Variants in SCYL2 observed in about 807,000 individuals in gnomAD.
SCYL2 encodes SCY1 like pseudokinase 2.
SCYL2 carries 36 observed loss-of-function variants against 100.4 expected under a neutral mutation model. That is an observed-to-expected ratio of 0.36 (90% CI 0.27 to 0.47). The LOEUF is 0.47. SCYL2 is among the 20% of genes least tolerant of loss of function. The pLI, the probability that SCYL2 is intolerant of heterozygous loss-of-function variation, is 1.00. For missense variants in SCYL2, 902 were observed against 1,083.9 expected (o/e 0.83, Z 2.36); for synonymous variants, 330 against 359.2 (o/e 0.92, Z 0.92).
intron 3 of SCYL2, among the ~76,000 whole-genome samples, chr12:100,295,019 G>T (rs1412040154): frequency 1.3e-5 from 2 of 151,460 alleles, no homozygotes; most frequent in African/African-American, 2.4e-5. Context: ...CCTCCCAGAC[G>T]GGGTCGCGGC....
chr12:100,324,628 A>G (rs1230763269), intron 11 of SCYL2, among the ~76,000 whole-genome samples: 2 of 152,226 alleles, frequency 1.3e-5, no homozygotes, highest in East Asian at 3.8e-4. Context: ...CCAAAGTAGA[A>G]AAAGAAATCA....
chr12:100,320,330 A>T (rs965698295), intron 10 of SCYL2, among the ~76,000 whole-genome samples: 29 of 152,024 alleles, frequency 1.9e-4, no homozygotes, highest in African/African-American at 6.0e-4. Context: ...GGATCACCTG[A>T]GGTCAGGAGT....
chr12:100,307,869 C>T (rs557749671), intron 4 of SCYL2, among the ~76,000 whole-genome samples: 15 of 152,164 alleles, frequency 9.9e-5, no homozygotes, highest in Non-Finnish European at 2.2e-4. Flanking sequence ...TTTATGCAGC[C>T]AACAAACATA....
chr12:100,319,432 A>C, intron 10 of SCYL2: 1 of 313,542 alleles, frequency 3.2e-6, no homozygotes, highest in South Asian at 2.8e-5. Flanking sequence ...GTGACATGAA[A>C]TCCATTTTTC....
chr12:100,298,032 G>A lies in SCYL2; in HGVS notation c.337G>A (p.Asp113Asn). The change falls in exon 4 of 18, where the codon GAT (aspartate) becomes AAT (asparagine). Residue 113 changes from aspartate to asparagine, a missense_variant and splice_region_variant. Physicochemically the swap from Asp to Asn is conservative, Grantham distance 23 (BLOSUM62 1). Transcript: ENST00000360820. ...TVQHPLEESR[D>N]CLAFCTEPVF... ...ATAACTTTTTCTTTTTTAAAACAGG[G>A]ATTGCTTGGCATTTTGTACAGAACC... 6.2e-7 allele frequency: 1 copy of A among 1,603,208 alleles called. No individual in the cohort carries two copies.
chr12:100,294,274 T>C (rs1592939969), intron 3 of SCYL2, among the ~76,000 whole-genome samples: 1 of 112,188 alleles, frequency 8.9e-6, no homozygotes, highest in African/African-American at 3.4e-5. Context: ...CCAACCTCCC[T>C]CCCGGACGGG....
At chr12:100,273,712 T>C (rs749652287) in intron 1 of SCYL2, among the ~76,000 whole-genome samples, 6 of 152,212 alleles carry the variant, frequency 3.9e-5, no homozygotes, top group Non-Finnish European at 7.4e-5. Context: ...CGTGGTATTA[T>C]AATCCCTTCT....
intron 1 of SCYL2, among the ~76,000 whole-genome samples, chr12:100,271,281 A>AAAAAAAAAAAAAAAAAAG (rs869276181): frequency 7.8e-6 from 1 of 128,950 alleles, no homozygotes; most frequent in Non-Finnish European, 1.6e-5. Context: ...AAAAAAAAAA[A>AAAAAAAAAAAAAAAAAAG]AGAGAGAGAG....
Position 100,306,661 on chromosome 12 carries a change from A to G in SCYL2, c.481-4383A>G, listed in dbSNP as rs12581824. ...ATTCTGGCCAGGGCAATCAGGCAAG[A>G]GAATGAAATAAAGGGTATTCAGATA... On this transcript the variant is annotated intron_variant, in intron 4 of 17. Transcript: ENST00000360820. Among the ~76,000 whole-genome samples the G allele has an allele frequency of 2.2e-3, 334 of 152,356 alleles. 5 individuals carry two copies. In the East Asian group the frequency reaches 0.037, roughly 17 times the overall value.
chr12:100,283,350 A>G (rs1403657063), intron 2 of SCYL2, among the ~76,000 whole-genome samples: 1 of 152,228 alleles, frequency 6.6e-6, no homozygotes, highest in Non-Finnish European at 1.5e-5. Context: ...TTACACATAT[A>G]CTGTTTGACA....
In SCYL2 at chr12:100,338,966, A is replaced by T. The variant is rs1237624909; in HGVS notation, c.2584A>T (p.Asn862Tyr). Residue 862 changes from asparagine to tyrosine, a missense_variant, in exon 18 of 18, where the codon AAT becomes TAT. Asn to Tyr is a moderately radical substitution (Grantham distance 143). Coordinates refer to ENST00000360820, the MANE Select transcript of SCYL2 (RefSeq NM_017988.6). ...GAACCAGTTATCACAACAGAAACCA[A>T]ATCAGTGGCTTAATCAGTTTGTACC... ...SMNQLSQQKP[N>Y]QWLNQFVPPQ... 5 of 1,614,124 alleles carry T rather than the reference A, an allele frequency of 3.1e-6. No individual in the cohort carries two copies. Among genetic ancestry groups the T allele is most frequent in the Non-Finnish European group, 4.2e-6 (5 of 1,179,976 alleles).
chr12:100,339,212 A>G lies in SCYL2; in HGVS notation c.*40A>G, dbSNP rs761880235. The G allele has an allele frequency of 2.0e-5, 32 of 1,566,430 alleles. No individual in the cohort carries two copies. The highest frequency in any genetic ancestry group is 1.4e-4 in the Admixed American group (8 of 56,908). Reference sequence around the variant, plus strand: ...ATTTTGAAGGATTATTTCAGTTTCAATCATGGGTGAGCTGATTTACATCTT... The same window carrying G: ...ATTTTGAAGGATTATTTCAGTTTCAGTCATGGGTGAGCTGATTTACATCTT... On this transcript the variant is annotated 3_prime_UTR_variant, in exon 18 of 18. Coordinates refer to ENST00000360820, the MANE Select transcript of SCYL2 (RefSeq NM_017988.6).
At chr12:100,291,428 G>A (rs2096310498) in intron 2 of SCYL2, 75 bp from the exon 3 acceptor site, 1 of 1,003,230 alleles carries the variant, frequency 1.0e-6, no homozygotes, top group East Asian at 2.8e-5. Flanking sequence ...ATAGTTATTT[G>A]TAGATTGTGA....
intron 1 of SCYL2, among the ~76,000 whole-genome samples, chr12:100,282,690 C>T (rs1307417044): frequency 1.3e-5 from 2 of 152,150 alleles, no homozygotes; most frequent in Non-Finnish European, 2.9e-5. Flanking sequence ...TTCTTAATGT[C>T]ATTGTCAAGT....
intron 12 of SCYL2, among the ~76,000 whole-genome samples, chr12:100,328,406 C>A (rs1952163662): frequency 6.6e-6 from 1 of 152,182 alleles, no homozygotes; most frequent in Non-Finnish European, 1.5e-5. Context: ...AGACTAACGT[C>A]ATTTTAGGAT....
intron 4 of SCYL2, among the ~76,000 whole-genome samples, chr12:100,309,659 C>T (rs1318252360): frequency 2.0e-5 from 3 of 152,194 alleles, no homozygotes; most frequent in African/African-American, 7.2e-5. Flanking sequence ...TTATAAGCAG[C>T]TTATGTGCCC....
chr12:100,282,480 C>T (rs986005795), intron 1 of SCYL2, among the ~76,000 whole-genome samples: 2 of 151,034 alleles, frequency 1.3e-5, no homozygotes, highest in African/African-American at 2.4e-5. Flanking sequence ...CACCTGCCAC[C>T]ACGCCTGGCT....
At chr12:100,278,207 G>GT (rs1395778536) in intron 1 of SCYL2, among the ~76,000 whole-genome samples, 93 of 151,374 alleles carry the variant, frequency 6.1e-4, no homozygotes, top group African/African-American at 2.0e-3. Flanking sequence ...GTTTTGTTTT[G>GT]TTTTGTTTTA....
intron 17 of SCYL2, 88 bp downstream of exon 17, chr12:100,337,594 A>T: frequency 8.1e-7 from 1 of 1,239,856 alleles, no homozygotes; most frequent in Non-Finnish European, 1.2e-6. Flanking sequence ...GTATTTGTAT[A>T]AAAATATATC....
Sources: allele counts gnomAD v4.1 joint callset (sites outside exome capture counted in the v4.1 genomes callset), GRCh38; gene constraint gnomAD v4.1.1; transcripts MANE v1.5; gene names NCBI Gene and HGNC (gene_info 2026-07-23, HGNC 2026-07-21).